The following PCGF5 variants were observed in gnomAD, a reference collection of about 807,000 sequenced individuals.
PCGF5 encodes the protein polycomb group ring finger 5.
A neutral mutation model predicts 44.3 loss-of-function variants in PCGF5; 9 were observed. That is an observed-to-expected ratio of 0.20 (90% CI 0.12 to 0.35). The LOEUF is 0.35. Among genes scored for constraint, PCGF5 ranks in the 10% least tolerant of loss-of-function variants. The pLI, the probability that PCGF5 is intolerant of heterozygous loss-of-function variation, is 1.00. For missense variants in PCGF5, 146 were observed against 305.3 expected, an observed-to-expected ratio of 0.48 and a Z score of 3.89; for synonymous variants, 95 against 102.5, an observed-to-expected ratio of 0.93 and a Z score of 0.44.
In PCGF5 at chr10:91,279,061, A is replaced by G. The variant is rs972775860; in HGVS notation, c.*745A>G. 1 of 152,536 alleles carries G rather than the reference A, an allele frequency of 6.6e-6. No homozygotes were observed. Among genetic ancestry groups the G allele is most frequent in the Non-Finnish European group, 1.5e-5 (1 of 68,042 alleles). 9.4% of individuals were successfully genotyped at this position (152,536 alleles called of 1,614,324 possible). A position where few individuals can be genotyped will look rare whatever the true frequency, so the allele number is the denominator to read the frequency against. ...TGGCAGCTGATCACATTTACTTCTG[A>G]TAAAAGTAATGTGTAAGTAAGGTTA... On this transcript the variant is annotated 3_prime_UTR_variant, in exon 10 of 10. Transcript: ENST00000336126.
At chr10:91,255,368 A>G (rs1845721714) in intron 6 of PCGF5, among the ~76,000 whole-genome samples, 1 of 152,074 alleles carries the variant, frequency 6.6e-6, no homozygotes, top group Non-Finnish European at 1.5e-5. Context: ...GGCCACGTGC[A>G]TATGTAGAGT....
Position 91,278,439 on chromosome 10 carries a change from C to T in PCGF5, c.*123C>T. 1 of 838,518 alleles carries T rather than the reference C, an allele frequency of 1.2e-6. No homozygotes were observed. Among genetic ancestry groups the T allele is most frequent in the Non-Finnish European group, 2.0e-6 (1 of 502,822 alleles). 51.9% of individuals were successfully genotyped at this position (838,518 alleles called of 1,614,324 possible). A position where few individuals can be genotyped will look rare whatever the true frequency, so the allele number is the denominator to read the frequency against. ...CCAGATTTTCAGCATGCAAATAAGG[C>T]CATTGTCTATCTCTAAATTGTCAGT... On this transcript the variant is annotated 3_prime_UTR_variant, in exon 10 of 10. Coordinates refer to ENST00000336126, the MANE Select transcript of PCGF5 (RefSeq NM_032373.5).
intron 1 of PCGF5, among the ~76,000 whole-genome samples, chr10:91,197,488 G>A (rs1192725377): frequency 1.3e-5 from 2 of 152,146 alleles, no homozygotes; most frequent in Non-Finnish European, 2.9e-5. Flanking sequence ...AGTGTTCTCC[G>A]TGTATTATAT....
At chr10:91,179,584 G>T (rs887746735) in intron 1 of PCGF5, among the ~76,000 whole-genome samples, 3 of 152,168 alleles carry the variant, frequency 2.0e-5, no homozygotes, top group Admixed American at 2.0e-4. Flanking sequence ...CCACTTAAAA[G>T]TGACAACATG....
intron 6 of PCGF5, among the ~76,000 whole-genome samples, chr10:91,259,799 C>T (rs549556539): frequency 7.9e-5 from 12 of 152,258 alleles, no homozygotes; most frequent in Admixed American, 7.8e-4. Context: ...CCCTTCCTTA[C>T]ACCTTATACA....
chr10:91,259,826 A>G (rs1845850999), intron 6 of PCGF5, among the ~76,000 whole-genome samples: 1 of 152,212 alleles, frequency 6.6e-6, no homozygotes. Flanking sequence ...AAGATGGATT[A>G]AAGACTTACA....
intron 9 of PCGF5, among the ~76,000 whole-genome samples, chr10:91,277,816 T>C (rs1846353452): frequency 6.6e-6 from 1 of 152,110 alleles, no homozygotes. Context: ...TTTTACAGGT[T>C]CCTAGCAGAG....
At chr10:91,258,983 T>C (rs1409893935) in intron 6 of PCGF5, among the ~76,000 whole-genome samples, 1 of 152,158 alleles carries the variant, frequency 6.6e-6, no homozygotes, top group Admixed American at 6.6e-5. Context: ...AAAGATTCTA[T>C]TGTTGTTTTG....
intron 8 of PCGF5, among the ~76,000 whole-genome samples, chr10:91,267,084 C>G (rs1846065036): frequency 6.6e-6 from 1 of 152,096 alleles, no homozygotes; most frequent in African/African-American, 2.4e-5. Flanking sequence ...TACAGTCTTC[C>G]CCAGATACTC....
At chr10:91,161,207 G>C (rs934898421), upstream of PCGF5, among the ~76,000 whole-genome samples, 6 of 152,228 alleles carry the variant, frequency 3.9e-5, no homozygotes, top group Non-Finnish European at 8.8e-5. Context: ...TCCAGCAGTT[G>C]CTAATCTCAG....
At chr10:91,195,463 TATGCATGCATATATATATATATAGAG>T (rs1564630586) in intron 1 of PCGF5, among the ~76,000 whole-genome samples, 221 of 115,180 alleles carry the variant, frequency 1.9e-3, no homozygotes, top group African/African-American at 5.0e-3. Flanking sequence ...CATATATATA[TATGCATGCATATATATATATATAGAG>T]AGAGAGAGAG....
chr10:91,183,909 A>T (rs1296034581), intron 1 of PCGF5, among the ~76,000 whole-genome samples: 1 of 152,150 alleles, frequency 6.6e-6, no homozygotes, highest in Non-Finnish European at 1.5e-5. Flanking sequence ...TCTGGCTTGT[A>T]GGGTTTCTGC....
intron 7 of PCGF5, among the ~76,000 whole-genome samples, chr10:91,261,755 A>G (rs1845916781): frequency 6.6e-6 from 1 of 152,200 alleles, no homozygotes; most frequent in African/African-American, 2.4e-5. Context: ...TTTATCTGAG[A>G]TCTTTGAGAT....
intron 2 of PCGF5, among the ~76,000 whole-genome samples, chr10:91,233,385 C>T (rs911074317): frequency 2.0e-5 from 3 of 152,026 alleles, no homozygotes; most frequent in African/African-American, 4.8e-5. Context: ...AGGTGTGCTT[C>T]GCTGCCTGTT....
At chr10:91,271,576 C>A in intron 8 of PCGF5, 62 bp from the exon 9 acceptor site, 2 of 1,306,610 alleles carry the variant, frequency 1.5e-6, no homozygotes, top group South Asian at 1.2e-5. Flanking sequence ...TTTAAATAAT[C>A]AATTTTAAAT....
chr10:91,189,790 T>C (rs920392527), intron 1 of PCGF5, among the ~76,000 whole-genome samples: 8 of 152,242 alleles, frequency 5.3e-5, no homozygotes, highest in Non-Finnish European at 1.2e-4. Flanking sequence ...TCTGAGCCAG[T>C]ATTGAGCACA....
intron 1 of PCGF5, among the ~76,000 whole-genome samples, chr10:91,163,493 C>T (rs540153645): frequency 2.6e-5 from 4 of 152,116 alleles, no homozygotes; most frequent in African/African-American, 9.6e-5. Context: ...TCGCGGCTTC[C>T]TGATGGGGAC....
intron 2 of PCGF5, among the ~76,000 whole-genome samples, chr10:91,236,120 T>C (rs1288393325): frequency 6.6e-6 from 1 of 151,992 alleles, no homozygotes; most frequent in Non-Finnish European, 1.5e-5. Context: ...ATGATATGAA[T>C]TTTTGATTTT....
At chr10:91,205,681 C>G (rs369165531) in intron 1 of PCGF5, among the ~76,000 whole-genome samples, 2 of 152,222 alleles carry the variant, frequency 1.3e-5, no homozygotes, top group East Asian at 3.9e-4. Context: ...AGTATATTTA[C>G]AGTTAATAAA....
Sources: allele counts gnomAD v4.1 joint callset (sites outside exome capture counted in the v4.1 genomes callset), GRCh38; gene constraint gnomAD v4.1.1; transcripts MANE v1.5; gene names NCBI Gene and HGNC (gene_info 2026-07-23, HGNC 2026-07-21).